CACNA2D3: variants seen among roughly 807,000 people sequenced by gnomAD.
CACNA2D3 encodes calcium voltage-gated channel auxiliary subunit alpha2delta 3.
A neutral mutation model predicts 160.6 loss-of-function variants in CACNA2D3; 60 were observed. That is an observed-to-expected ratio of 0.37 (90% CI 0.30 to 0.46). The LOEUF (loss-of-function observed/expected upper bound fraction) is 0.46, where lower values mean the gene tolerates loss of function less well. Ranked by LOEUF, CACNA2D3 falls within the 20% of genes least tolerant of loss-of-function variation. The pLI, the probability that CACNA2D3 is intolerant of heterozygous loss-of-function variation, is 1.00. For missense variants in CACNA2D3, 1,205 were observed against 1,365.0 expected, an observed-to-expected ratio of 0.88 and a Z score of 1.85; for synonymous variants, 558 against 492.9, an observed-to-expected ratio of 1.13 and a Z score of -1.75.
chr3:54,181,238 AAT>A (rs1167689671), intron 2 of CACNA2D3, among the ~76,000 whole-genome samples: 1 of 152,246 alleles, frequency 6.6e-6, no homozygotes, highest in African/African-American at 2.4e-5. Context: ...TATGGTGATG[AAT>A]AGATATTGGA....
intron 11 of CACNA2D3, among the ~76,000 whole-genome samples, chr3:54,676,016 A>C (rs1700237080): frequency 1.3e-5 from 2 of 152,172 alleles, no homozygotes; most frequent in Non-Finnish European, 2.9e-5. Context: ...TCTTTGAAAC[A>C]TGCTTGTGTA....
At chr3:54,590,685 G>A (rs1702841906) in intron 9 of CACNA2D3, among the ~76,000 whole-genome samples, 1 of 151,988 alleles carries the variant, frequency 6.6e-6, no homozygotes, top group African/African-American at 2.4e-5. Flanking sequence ...GGGCTCAAGT[G>A]ATCCTGCTGT....
At chr3:54,631,558 G>T (rs538720656) in intron 10 of CACNA2D3, among the ~76,000 whole-genome samples, 2 of 152,146 alleles carry the variant, frequency 1.3e-5, no homozygotes, top group African/African-American at 2.4e-5. Flanking sequence ...ACACACACAC[G>T]TGCTTAAAAT....
intron 13 of CACNA2D3, among the ~76,000 whole-genome samples, chr3:54,790,072 C>T (rs1702720566): frequency 6.6e-6 from 1 of 152,200 alleles, no homozygotes; most frequent in Admixed American, 6.5e-5. Context: ...CTGGATTACA[C>T]TTTCCTGGCT....
intron 2 of CACNA2D3, among the ~76,000 whole-genome samples, chr3:54,314,955 C>A (rs1273876877): frequency 1.3e-5 from 2 of 152,172 alleles, no homozygotes; most frequent in South Asian, 4.1e-4. Context: ...GTAATACTTT[C>A]TTAACTCCTT....
chr3:54,276,310 C>T (rs1010336329), intron 2 of CACNA2D3, among the ~76,000 whole-genome samples: 2 of 152,190 alleles, frequency 1.3e-5, no homozygotes, highest in Non-Finnish European at 2.9e-5. Flanking sequence ...TGGCTCACGC[C>T]TGTACTCCCA....
chr3:54,819,328 G>T (rs953245638), intron 14 of CACNA2D3, among the ~76,000 whole-genome samples: 1 of 152,056 alleles, frequency 6.6e-6, no homozygotes, highest in Non-Finnish European at 1.5e-5. Context: ...CCTGTTCCTC[G>T]CACAGAGCCT....
chr3:54,445,434 G>T (rs955730382), intron 4 of CACNA2D3, among the ~76,000 whole-genome samples: 9 of 152,138 alleles, frequency 5.9e-5, no homozygotes, highest in African/African-American at 1.9e-4. Context: ...TTTCTGAGCT[G>T]TATTAATTCA....
chr3:54,628,692 T>G (rs943100226), intron 10 of CACNA2D3, among the ~76,000 whole-genome samples: 7 of 152,168 alleles, frequency 4.6e-5, no homozygotes, highest in Middle Eastern at 3.4e-3. Context: ...TTTTAAATAG[T>G]AGGAGTTTAA....
At chr3:54,904,178 T>A (rs909701571) in intron 27 of CACNA2D3, among the ~76,000 whole-genome samples, 6 of 152,212 alleles carry the variant, frequency 3.9e-5, no homozygotes, top group African/African-American at 1.4e-4. Context: ...AAACCTATTT[T>A]GCCTTAACTT....
chr3:54,744,817 C>G (rs1382066098), intron 11 of CACNA2D3, among the ~76,000 whole-genome samples: 1 of 152,190 alleles, frequency 6.6e-6, no homozygotes, highest in East Asian at 1.9e-4. Context: ...TGCTTCTGGC[C>G]TGTCCTTGCA....
intron 2 of CACNA2D3, among the ~76,000 whole-genome samples, chr3:54,124,156 C>T (rs1699540670): frequency 6.6e-6 from 1 of 152,144 alleles, no homozygotes; most frequent in Non-Finnish European, 1.5e-5. Context: ...GCTGCACTGC[C>T]GGGTAATAAC....
At chr3:54,752,855 CTTTTT>C (rs796850778) in intron 12 of CACNA2D3, among the ~76,000 whole-genome samples, 178 bp downstream of exon 12, 1 of 130,920 alleles carries the variant, frequency 7.6e-6, no homozygotes, top group African/African-American at 2.8e-5. Flanking sequence ...TTTTTCTGTT[CTTTTT>C]TTTTTTATTT....
intron 2 of CACNA2D3, among the ~76,000 whole-genome samples, chr3:54,152,735 T>C (rs1279617535): frequency 6.6e-6 from 1 of 152,234 alleles, no homozygotes; most frequent in Non-Finnish European, 1.5e-5. Context: ...GAGACATTTA[T>C]AGATATTTTA....
intron 13 of CACNA2D3, among the ~76,000 whole-genome samples, chr3:54,793,133 A>G (rs1702795837): frequency 6.6e-6 from 1 of 152,198 alleles, no homozygotes; most frequent in Non-Finnish European, 1.5e-5. Context: ...AGTGAGGGAG[A>G]GTAGAGGAGA....
intron 12 of CACNA2D3, among the ~76,000 whole-genome samples, chr3:54,756,941 C>G (rs189988066): frequency 1.0e-3 from 158 of 152,192 alleles, no homozygotes; most frequent in African/African-American, 2.9e-3. Context: ...CTTGAGGGAA[C>G]CAACCCTAAT....
At chr3:54,881,240 A>G (rs1699789240) in intron 21 of CACNA2D3, among the ~76,000 whole-genome samples, 1 of 152,214 alleles carries the variant, frequency 6.6e-6, no homozygotes, top group Non-Finnish European at 1.5e-5. Flanking sequence ...GGAGAAATAC[A>G]AATTTATGAA....
At chr3:54,296,007 A>G (rs958987968) in intron 2 of CACNA2D3, among the ~76,000 whole-genome samples, 1 of 152,156 alleles carries the variant, frequency 6.6e-6, no homozygotes, top group African/African-American at 2.4e-5. Flanking sequence ...TGCCTGGAGC[A>G]TGAGGGGAGG....
chr3:54,749,251 T>A (rs544293614), intron 11 of CACNA2D3, among the ~76,000 whole-genome samples: 193 of 152,326 alleles, frequency 1.3e-3, no homozygotes, highest in African/African-American at 4.2e-3. Context: ...CCTTTACCAG[T>A]ACATCATGGA....
Sources: gnomAD v4.1 joint callset for allele counts (sites outside exome capture counted in the v4.1 genomes callset) on GRCh38, gnomAD v4.1.1 for gene constraint, MANE v1.5 for transcripts, NCBI Gene and HGNC (gene_info 2026-07-23, HGNC 2026-07-21) for gene names.